The following FRMD4A variants were observed in gnomAD, a reference collection of about 807,000 sequenced individuals.
FRMD4A encodes the protein FERM domain-containing protein 4A.
Under a neutral mutation model 129.1 loss-of-function variants are expected in FRMD4A, and 29 were observed. That is an observed-to-expected ratio of 0.22 (90% CI 0.17 to 0.31). The LOEUF is 0.31. Ranked by LOEUF, FRMD4A falls within the 10% of genes least tolerant of loss-of-function variation. The pLI, the probability that FRMD4A is intolerant of heterozygous loss-of-function variation, is 1.00. For synonymous variants in FRMD4A, 634 were observed against 571.6 expected (o/e 1.11, Z -1.56); for missense variants, 1,272 against 1,375.8 (o/e 0.92, Z 1.19).
chr10:13,987,348 T>C lies in FRMD4A; in HGVS notation c.46-128436A>G, dbSNP rs182569627. ...CTTCCACCCAACTTTTTCCCACCCC[T>C]CCCATGAAAAAGTTAAATCGTGAAA... is the stretch of plus-strand genomic sequence containing the variant. On this transcript the variant is annotated intron_variant, in intron 2 of 24. Transcript: ENST00000357447. Among the ~76,000 whole-genome samples, 52 of 151,774 alleles carry C rather than the reference T, an allele frequency of 3.4e-4. 1 individual carries two copies. Among genetic ancestry groups the C allele is most frequent in the Admixed American group, 3.4e-3 (52 of 15,262 alleles).
chr10:13,925,459 A>C (rs998549838), intron 2 of FRMD4A, among the ~76,000 whole-genome samples: 3 of 152,036 alleles, frequency 2.0e-5, no homozygotes, highest in African/African-American at 7.2e-5. Flanking sequence ...AATTGCACAA[A>C]AGGCAGCATG....
In FRMD4A at chr10:13,762,787, A is replaced by C. The variant is rs1305923652; in HGVS notation, c.385-107T>G. 8.4e-6 allele frequency: 6 copies of C among 718,218 alleles called. No individual in the cohort carries two copies. In the East Asian group the frequency reaches 1.1e-4, roughly 13 times the overall value. 44.5% of individuals were successfully genotyped at this position (718,218 alleles called of 1,614,324 possible). ...TTCGGGAGGATTACTTGAGCCCTGG[A>C]GTTTGAGACCAGCCTGGGCAACATA... On this transcript the variant is annotated intron_variant, in intron 6 of 24. Transcript: ENST00000357447.
At chr10:14,151,632 C>T (rs779386440) in intron 2 of FRMD4A, among the ~76,000 whole-genome samples, 1 of 151,840 alleles carries the variant, frequency 6.6e-6, no homozygotes, top group Non-Finnish European at 1.5e-5. Flanking sequence ...GGACATGTAC[C>T]CTCTAAATAA....
intron 2 of FRMD4A, among the ~76,000 whole-genome samples, chr10:14,118,558 C>G (rs1838321618): frequency 6.6e-6 from 1 of 152,154 alleles, no homozygotes; most frequent in Non-Finnish European, 1.5e-5. Flanking sequence ...AAAGGCATAC[C>G]TGAGGCTGGG....
chr10:13,938,774 T>C (rs72481104), intron 2 of FRMD4A, among the ~76,000 whole-genome samples: 4,146 of 152,300 alleles, frequency 0.027, 127 homozygotes, highest in East Asian at 0.13. Flanking sequence ...TGGAAGGTGC[T>C]ACCAGCATCA....
intron 2 of FRMD4A, among the ~76,000 whole-genome samples, chr10:14,328,177 G>A (rs1041259559): frequency 2.0e-5 from 3 of 152,144 alleles, no homozygotes; most frequent in African/African-American, 7.2e-5. Context: ...GGTGTCAAGA[G>A]CTCTTTCCCC....
intron 15 of FRMD4A, among the ~76,000 whole-genome samples, chr10:13,676,275 T>C (rs2083980602): frequency 6.6e-6 from 1 of 151,956 alleles, no homozygotes; most frequent in Non-Finnish European, 1.5e-5. Context: ...TTTTTCTTTT[T>C]TTTTTCAGAC....
intron 12 of FRMD4A, among the ~76,000 whole-genome samples, chr10:13,712,407 C>T (rs775871753): frequency 2.0e-5 from 3 of 151,730 alleles, no homozygotes; most frequent in Admixed American, 6.6e-5. Context: ...CTAACTACTC[C>T]GGAGGCTGAG....
intron 2 of FRMD4A, among the ~76,000 whole-genome samples, chr10:14,220,239 T>C (rs1843205030): frequency 6.6e-6 from 1 of 152,216 alleles, no homozygotes; most frequent in South Asian, 2.1e-4. Context: ...CAGTGGTCAG[T>C]GTGAGTCACC....
At chr10:13,895,483 A>G (rs1393282125) in intron 2 of FRMD4A, among the ~76,000 whole-genome samples, 6 of 152,088 alleles carry the variant, frequency 3.9e-5, no homozygotes. Context: ...GTATCCCCAC[A>G]ACCAGAACTA....
chr10:13,648,919 A>AG (rs1482004265), intron 24 of FRMD4A: 5 of 152,054 alleles, frequency 3.3e-5, no homozygotes, highest in Non-Finnish European at 7.4e-5. Flanking sequence ...AGTTGCTCTG[A>AG]GGGGAAAAAA....
intron 2 of FRMD4A, among the ~76,000 whole-genome samples, chr10:13,941,490 C>G (rs943339482): frequency 6.6e-6 from 1 of 152,102 alleles, no homozygotes; most frequent in Non-Finnish European, 1.5e-5. Flanking sequence ...ATTACTTTGT[C>G]AAAAAATGGC....
intron 12 of FRMD4A, chr10:13,727,925 A>T (rs1368944007): frequency 6.6e-6 from 1 of 152,192 alleles, no homozygotes; most frequent in Non-Finnish European, 1.5e-5. Context: ...TTTCTTTAAT[A>T]AATAAATTTG....
intron 5 of FRMD4A, among the ~76,000 whole-genome samples, chr10:13,791,973 G>T (rs542482122): frequency 6.6e-6 from 1 of 152,230 alleles, no homozygotes; most frequent in Non-Finnish European, 1.5e-5. Flanking sequence ...GAGACCAACA[G>T]CAGATGTCTG....
chr10:13,710,801 T>C, intron 12 of FRMD4A: 1 of 152,590 alleles, frequency 6.6e-6, no homozygotes, highest in Non-Finnish European at 1.5e-5. Flanking sequence ...TCACTTGAGG[T>C]CAGGAGCTTG....
At chr10:14,175,263 C>T (rs11258916) in intron 2 of FRMD4A, among the ~76,000 whole-genome samples, 6,691 of 152,204 alleles carry the variant, frequency 0.044, 330 homozygotes, top group East Asian at 0.21. Context: ...AAGGAAGATG[C>T]CCCTGTCCCT....
chr10:14,135,687 A>G (rs572737108), intron 2 of FRMD4A, among the ~76,000 whole-genome samples: 2 of 152,372 alleles, frequency 1.3e-5, no homozygotes, highest in African/African-American at 2.4e-5. Flanking sequence ...CTATGAAGAT[A>G]TATCACAGAT....
chr10:13,759,411 C>T (rs1442516942), intron 8 of FRMD4A, among the ~76,000 whole-genome samples: 1 of 152,214 alleles, frequency 6.6e-6, no homozygotes, highest in African/African-American at 2.4e-5. Flanking sequence ...CCACACGTTC[C>T]CATGATCCGT....
At position 14,048,156 on chromosome 10, in the gene FRMD4A, G is replaced by A. The variant is rs7073855; in HGVS notation, c.46-189244C>T. Among the ~76,000 whole-genome samples the A allele has an allele frequency of 3.6e-4, 55 of 152,256 alleles. 1 individual carries two copies. Among genetic ancestry groups the A allele is most frequent in the East Asian group, 7.7e-4 (4 of 5,186 alleles). On this transcript the variant is annotated intron_variant, in intron 2 of 24. Transcript: ENST00000357447. ...GAGCTAGGCTAAAGAAGGCAGCACC[G>A]TACCAAGATATCACTAGGACTGATT...
Sources: gnomAD v4.1 joint callset for allele counts (sites outside exome capture counted in the v4.1 genomes callset) on GRCh38, gnomAD v4.1.1 for gene constraint, MANE v1.5 for transcripts, NCBI Gene and HGNC (gene_info 2026-07-23, HGNC 2026-07-21) for gene names.